HMCN2: variants seen among roughly 807,000 people sequenced by gnomAD.
HMCN2 encodes hemicentin-2.
HMCN2 carries 325 observed loss-of-function variants against 377.5 expected under a neutral mutation model. The ratio of observed to expected loss-of-function variants is 0.86; its 90% CI spans 0.79 to 0.94. The LOEUF is 0.94. HMCN2 is among the 40% of genes least tolerant of loss of function. The probability of loss-of-function intolerance (pLI) is 0.00; values close to 1 mark genes in which losing one functional copy is unlikely to be tolerated. For missense variants in HMCN2, 4,543 were observed against 4,725.3 expected (o/e 0.96, Z 1.13); for synonymous variants, 2,007 against 2,046.8 (o/e 0.98, Z 0.53).
In HMCN2 at chr9:130,338,842, C is replaced by CA. The variant is rs1392520095; in HGVS notation, c.3487+827dup. On this transcript the variant is annotated intron_variant, in intron 23 of 97. Transcript: ENST00000683500. ...ACTTTTTAAAATAATTGGACAAGCA[C>CA]AAAAAACCAACTAAATAATATTTTG... 1.8e-3 allele frequency among the ~76,000 whole-genome samples: 280 copies of CA among 151,704 alleles called. 1 individual carries two copies. The highest frequency in any genetic ancestry group is 6.4e-3 in the African/African-American group (266 of 41,498).
Position 130,354,794 on chromosome 9 carries a change from A to C in HMCN2, c.4896A>C (p.Arg1632Ser), listed in dbSNP as rs922424468. 1.3e-5 allele frequency: 17 copies of C among 1,303,736 alleles called. No individual in the cohort carries two copies. Among genetic ancestry groups the C allele is most frequent in the Non-Finnish European group, 1.7e-5 (17 of 988,694 alleles). 80.8% of individuals were successfully genotyped at this position (1,303,736 alleles called of 1,614,324 possible). The change falls in exon 32 of 98, where the codon AGA becomes AGC. Residue 1632 changes from arginine (R) to serine (S), a missense_variant. This residue lies in a region of HMCN2 where 1,032 missense variants were observed against 1,285.1 expected (regional missense o/e 0.80). Coordinates refer to ENST00000683500, the MANE Select transcript of HMCN2 (RefSeq NM_001291815.2). Reference sequence around the variant, plus strand: ...CTACCATCGAGGGCGCCGGTGGAAGACCATACGTGGTGAAGGCTGTGGCTG... The same window carrying C: ...CTACCATCGAGGGCGCCGGTGGAAGCCCATACGTGGTGAAGGCTGTGGCTG... ...VPPTIEGAGG[R>S]PYVVKAVAGR...
chr9:130,316,898 T>A (rs1837590908), intron 15 of HMCN2, among the ~76,000 whole-genome samples: 1 of 152,030 alleles, frequency 6.6e-6, no homozygotes, highest in Admixed American at 6.5e-5. Flanking sequence ...GCCTCCCACA[T>A]GTACAATGAG....
chr9:130,359,524 C>G, intron 37 of HMCN2, 110 bp downstream of exon 37: 1 of 416,220 alleles, frequency 2.4e-6, no homozygotes, highest in South Asian at 2.1e-5. Context: ...GAGAAATCAT[C>G]AGGTCTTTCC....
intron 12 of HMCN2, 129 bp from the exon 13 acceptor site, chr9:130,306,682 C>A: frequency 2.7e-6 from 1 of 365,144 alleles, no homozygotes; most frequent in Admixed American, 3.5e-5. Flanking sequence ...AAGTGCTTAG[C>A]ACAGGCCTAG....
chr9:130,330,672 C>T (rs1015496051), intron 22 of HMCN2, among the ~76,000 whole-genome samples: 10 of 152,244 alleles, frequency 6.6e-5, no homozygotes, highest in Admixed American at 4.6e-4. Context: ...AGTTCTGAGC[C>T]GCCCAGCTGC....
chr9:130,288,840 G>A (rs1554928962), intron 4 of HMCN2, among the ~76,000 whole-genome samples: 1 of 152,188 alleles, frequency 6.6e-6, no homozygotes, highest in Non-Finnish European at 1.5e-5. Context: ...ATTAAAGGAA[G>A]GTGAGGATCT....
intron 30 of HMCN2, among the ~76,000 whole-genome samples, chr9:130,352,615 G>A (rs1417241130): frequency 6.6e-6 from 1 of 152,128 alleles, no homozygotes; most frequent in Non-Finnish European, 1.5e-5. Context: ...TTCACAGATG[G>A]GGAGACTGAG....
chr9:130,333,881 G>C (rs1323524202), intron 22 of HMCN2, among the ~76,000 whole-genome samples: 4 of 152,224 alleles, frequency 2.6e-5, no homozygotes, highest in African/African-American at 9.6e-5. Context: ...TCTGTGCCAG[G>C]TCTGAGCAGG....
rs1245928179 is a variant in HMCN2 at position 130,348,771 on chromosome 9, G to A, written c.4155+96G>A. ...TTTCTGCGTGTGCCAAGGTGGGGCA[G>A]GGAGATGTGACAGGTGTCTTTGGTG... On this transcript the variant is annotated intron_variant, in intron 27 of 97. Coordinates refer to ENST00000683500, the MANE Select transcript of HMCN2 (RefSeq NM_001291815.2). 20 of 1,265,804 alleles carry A rather than the reference G, an allele frequency of 1.6e-5. No individual in the cohort carries two copies. The Admixed American group carries it at 1.7e-4, about 10-fold the overall frequency. The allele number at this position is 1,265,804 out of a possible 1,614,324, so 78.4% of individuals were successfully genotyped here. A position where few individuals can be genotyped will look rare whatever the true frequency, so the allele number is the denominator to read the frequency against.
chr9:130,377,534 G>A, intron 52 of HMCN2, 115 bp from the exon 53 acceptor site: 1 of 509,074 alleles, frequency 2.0e-6, no homozygotes, highest in Non-Finnish European at 2.5e-6. Flanking sequence ...GGGTGTTCTT[G>A]TCACTTTATG....
At chr9:130,413,800 C>G (rs1013964702) in intron 85 of HMCN2, among the ~76,000 whole-genome samples, 2 of 152,078 alleles carry the variant, frequency 1.3e-5, no homozygotes, top group African/African-American at 4.8e-5. Flanking sequence ...AGCCTGTCCT[C>G]TCTTGCAAAG....
intron 77 of HMCN2, among the ~76,000 whole-genome samples, chr9:130,401,385 G>C (rs1842848767): frequency 6.6e-6 from 1 of 152,106 alleles, no homozygotes; most frequent in Non-Finnish European, 1.5e-5. Context: ...GTGCAATGGA[G>C]CTATCTCCGC....
intron 1 of HMCN2, among the ~76,000 whole-genome samples, chr9:130,267,144 C>T (rs1287978588): frequency 1.3e-5 from 2 of 151,866 alleles, no homozygotes; most frequent in East Asian, 3.9e-4. Context: ...TGGAGTCTCT[C>T]TGTATTGCCC....
intron 19 of HMCN2, among the ~76,000 whole-genome samples, chr9:130,323,196 A>G (rs1837942480): frequency 6.6e-6 from 1 of 152,138 alleles, no homozygotes; most frequent in Non-Finnish European, 1.5e-5. Flanking sequence ...GGCTCAGTTC[A>G]TTTCTATTCA....
At chr9:130,282,043 G>A (rs7858824) in intron 1 of HMCN2, among the ~76,000 whole-genome samples, 118,392 of 152,222 alleles carry the variant, frequency 0.78, 46,361 homozygotes, top group East Asian at 0.89. Context: ...TCTTTTTACA[G>A]TGAACATGTG....
In HMCN2 at chr9:130,422,109, G is replaced by A. The variant is rs1291285695; in HGVS notation, c.13232-468G>A. Among the ~76,000 whole-genome samples, 2 of 152,220 alleles carry A rather than the reference G, an allele frequency of 1.3e-5. No homozygotes were observed. The highest frequency in any genetic ancestry group is 6.5e-5 in the Admixed American group (1 of 15,290). ...GCCAGGCCAGCTGCAGGGCAGCCAG[G>A]GCCAGCAGCACTGATGGAATGGGGC... On this transcript the variant is annotated intron_variant, in intron 86 of 97. Coordinates refer to ENST00000683500, the MANE Select transcript of HMCN2 (RefSeq NM_001291815.2). This position sits in a 1 kb window ranked among gnomAD's most constrained non-coding sequence, Gnocchi z 4.2.
At position 130,342,054 on chromosome 9, in the gene HMCN2, A is replaced by AATAAATAAATAAAT. The variant is rs1241504109; in HGVS notation, c.3743-287_3743-286insTAAATATAAATAAA. Among the ~76,000 whole-genome samples the AATAAATAAATAAAT allele has an allele frequency of 4.8e-3, 726 of 151,046 alleles. 5 individuals are homozygous for AATAAATAAATAAAT. The highest frequency in any genetic ancestry group is 0.01 in the Middle Eastern group (3 of 292). ...AAATAAATAAATAAATAAATAAATA[A>AATAAATAAATAAAT]ATAAATAAAAGCTTGGAAAGCCACT... is the stretch of plus-strand genomic sequence containing the variant. On this transcript the variant is annotated intron_variant, in intron 24 of 97. Transcript: ENST00000683500.
chr9:130,425,817 GC>G lies in HMCN2; in HGVS notation c.13777del (p.Gln4593SerfsTer115). 6.4e-7 allele frequency: 1 copy of G among 1,550,460 alleles called. No homozygotes were observed. On this transcript the variant is annotated frameshift_variant, in exon 90 of 98. Transcript: ENST00000683500. LOFTEE classifies it high-confidence loss of function. ...NHSIQYNAAR[G>X]PQPQLVQHLR... The stretch of plus-strand genomic sequence containing the variant: ...AGCATCCAGTACAACGCGGCCCGGG[GC>G]CCCCAGCCCCAGCTGGTGCAGCACC...
chr9:130,378,947 G>A (rs555210856), intron 53 of HMCN2, among the ~76,000 whole-genome samples: 14 of 152,170 alleles, frequency 9.2e-5, no homozygotes, highest in African/African-American at 3.1e-4. Flanking sequence ...GACAAACATC[G>A]GCTGAAGCTT....
Sources: gnomAD v4.1 joint callset for allele counts (sites outside exome capture counted in the v4.1 genomes callset) on GRCh38, gnomAD v4.1.1 for gene constraint, gnomAD v4.1.1 regional missense constraint, Gnocchi (gnomAD v3.1) non-coding constraint, MANE v1.5 for transcripts, NCBI Gene and HGNC (gene_info 2026-07-23, HGNC 2026-07-21) for gene names.